DTWD2: variants seen among roughly 807,000 people sequenced by gnomAD.
The protein encoded by DTWD2 is tRNA-uridine aminocarboxypropyltransferase 2.
DTWD2 carries 39 observed loss-of-function variants against 31.8 expected under a neutral mutation model. That is an observed-to-expected ratio of 1.22 (90% CI 0.95 to 1.60). The LOEUF (loss-of-function observed/expected upper bound fraction) is 1.60. Ranked by LOEUF, DTWD2 falls within the 40% of genes most tolerant of loss-of-function variation. DTWD2 has a pLI of 0.00. For missense variants in DTWD2, 515 were observed against 381.5 expected, an observed-to-expected ratio of 1.35 and a Z score of -2.92; for synonymous variants, 180 against 142.8, an observed-to-expected ratio of 1.26 and a Z score of -1.86.
At position 118,940,875 on chromosome 5, in the gene DTWD2, A is replaced by G. The variant is rs1754163226; in HGVS notation, c.310-1585T>C. Among the ~76,000 whole-genome samples the G allele has an allele frequency of 5.3e-5, 8 of 152,222 alleles. No homozygotes were observed. In the South Asian group the frequency reaches 1.7e-3, roughly 32 times the overall value. ...ACATCTAATATTATTAGTTAAGTCA[A>G]TAAACAGTGTTTGCATCTTCACGAC... On this transcript the variant is annotated intron_variant, in intron 2 of 5. Coordinates refer to ENST00000510708, the MANE Select transcript of DTWD2 (RefSeq NM_173666.4).
rs1751655525 is a variant in DTWD2, at chr5:118,839,418, G to A, written c.*1499C>T. Reference sequence around the variant, plus strand: ...AGCCCAGGCTGGAGTGCAGTGGAATGAACATAGCTCCTTGCAACCTTGATG... The same window carrying A: ...AGCCCAGGCTGGAGTGCAGTGGAATAAACATAGCTCCTTGCAACCTTGATG... On this transcript the variant is annotated 3_prime_UTR_variant, in exon 6 of 6. Coordinates refer to ENST00000510708, the MANE Select transcript of DTWD2 (RefSeq NM_173666.4). 6.6e-6 allele frequency: 1 copy of A among 152,096 alleles called. No homozygotes were observed. The highest frequency in any genetic ancestry group is 1.5e-5 in the Non-Finnish European group (1 of 68,018). 9.4% of individuals were successfully genotyped at this position (152,096 alleles called of 1,614,324 possible). A position where few individuals can be genotyped will look rare whatever the true frequency, so the allele number is the denominator to read the frequency against.
At chr5:118,931,016 G>T (rs958452174) in intron 3 of DTWD2, among the ~76,000 whole-genome samples, 7 of 151,972 alleles carry the variant, frequency 4.6e-5, no homozygotes, top group African/African-American at 1.7e-4. Flanking sequence ...TTTTAAATTG[G>T]TAAGTTAAAT....
At chr5:118,896,986 T>C (rs1753098226) in intron 4 of DTWD2, among the ~76,000 whole-genome samples, 1 of 152,210 alleles carries the variant, frequency 6.6e-6, no homozygotes, top group Non-Finnish European at 1.5e-5. Context: ...ACTAAACTCT[T>C]AACAAATTCA....
At chr5:118,963,039 G>A (rs1261808059) in intron 1 of DTWD2, among the ~76,000 whole-genome samples, 1 of 152,054 alleles carries the variant, frequency 6.6e-6, no homozygotes, top group Non-Finnish European at 1.5e-5. Context: ...CAAACGTGAG[G>A]GTCTAAAGAG....
intron 4 of DTWD2, among the ~76,000 whole-genome samples, chr5:118,893,352 C>A (rs1753015331): frequency 8.0e-6 from 1 of 124,596 alleles, no homozygotes; most frequent in Non-Finnish European, 1.6e-5. Context: ...CACACTAAGA[C>A]ACAGTCTCAA....
At chr5:118,925,093 A>C (rs2377127) in intron 4 of DTWD2, among the ~76,000 whole-genome samples, 21,995 of 152,184 alleles carry the variant, frequency 0.14, 2,238 homozygotes, top group African/African-American at 0.28. Context: ...TTTAAGTTTA[A>C]AACCTCAGAA....
intron 1 of DTWD2, among the ~76,000 whole-genome samples, chr5:118,959,158 T>TATCTC (rs1754654435): frequency 1.3e-5 from 2 of 152,132 alleles, no homozygotes; most frequent in South Asian, 4.1e-4. Flanking sequence ...AAAGTCAAAC[T>TATCTC]ATCTCTGTTT....
chr5:118,957,147 T>C (rs768267738), intron 1 of DTWD2, among the ~76,000 whole-genome samples: 9 of 152,100 alleles, frequency 5.9e-5, no homozygotes, highest in Non-Finnish European at 1.5e-5. Flanking sequence ...CCCTGCAAAA[T>C]TGTTTTCCTT....
intron 4 of DTWD2, among the ~76,000 whole-genome samples, chr5:118,880,042 T>C (rs774785828): frequency 1.3e-5 from 2 of 152,234 alleles, no homozygotes; most frequent in Admixed American, 6.5e-5. Flanking sequence ...CTATATCTTA[T>C]GCACCGACAC....
rs1312860969 is a variant in DTWD2 at position 118,881,026 on chromosome 5, ATAGTTT to A, written c.598-32814_598-32809del. 2.0e-5 allele frequency among the ~76,000 whole-genome samples: 3 copies of A among 152,194 alleles called. No individual in the cohort carries two copies. The East Asian group carries it at 5.8e-4, about 29-fold the overall frequency. ...AACTTCATCCAACAGAATTAAACTC[ATAGTTT>A]TAGTTTTAATGTTATATATTAGATT... On this transcript the variant is annotated intron_variant, in intron 4 of 5. Transcript: ENST00000510708.
At chr5:118,965,401 G>C (rs904564247) in intron 1 of DTWD2, among the ~76,000 whole-genome samples, 1 of 151,874 alleles carries the variant, frequency 6.6e-6, no homozygotes, top group Non-Finnish European at 1.5e-5. Context: ...CCCTCTGCCC[G>C]GCCGCCACCC....
chr5:118,911,282 AAAATATAAAGC>A (rs1753452855), intron 4 of DTWD2, among the ~76,000 whole-genome samples: 1 of 152,216 alleles, frequency 6.6e-6, no homozygotes, highest in Non-Finnish European at 1.5e-5. Flanking sequence ...AATCAACAAG[AAAATATAAAGC>A]AAAACCACAA....
At chr5:118,931,968 T>A (rs928514365) in intron 3 of DTWD2, among the ~76,000 whole-genome samples, 1 of 152,158 alleles carries the variant, frequency 6.6e-6, no homozygotes, top group Non-Finnish European at 1.5e-5. Context: ...AACATACTTC[T>A]AAGTAAACCA....
rs144562704 is a variant in DTWD2, at chr5:118,894,382, C to A, written c.597+34155G>T. ...TACACAGAAATGCGGAATAAAAATA[C>A]AAAACAATTTTGATCAAAAAAAGAG... On this transcript the variant is annotated intron_variant, in intron 4 of 5. Coordinates refer to ENST00000510708, the MANE Select transcript of DTWD2 (RefSeq NM_173666.4). Among the ~76,000 whole-genome samples the A allele has an allele frequency of 1.6e-3, 245 of 152,110 alleles. 1 individual carries two copies. The highest frequency in any genetic ancestry group is 2.6e-3 in the Non-Finnish European group (174 of 67,960).
intron 1 of DTWD2, among the ~76,000 whole-genome samples, chr5:118,947,028 C>A (rs1237224467): frequency 2.0e-5 from 3 of 152,174 alleles, no homozygotes; most frequent in Non-Finnish European, 4.4e-5. Context: ...AGAAAATTTT[C>A]CTTGACCCCT....
chr5:118,926,598 A>C (rs971572704), intron 4 of DTWD2, among the ~76,000 whole-genome samples: 1 of 152,234 alleles, frequency 6.6e-6, no homozygotes, highest in African/African-American at 2.4e-5. Flanking sequence ...AACAACTTAT[A>C]TCAATGTTAC....
intron 5 of DTWD2, among the ~76,000 whole-genome samples, chr5:118,847,221 A>G (rs1256453831): frequency 1.3e-5 from 2 of 152,034 alleles, no homozygotes; most frequent in Non-Finnish European, 2.9e-5. Flanking sequence ...CTGTAACCAT[A>G]ATGGATAATG....
At chr5:118,925,876 G>A (rs376615221) in intron 4 of DTWD2, among the ~76,000 whole-genome samples, 72 of 151,678 alleles carry the variant, frequency 4.7e-4, no homozygotes, top group Admixed American at 1.4e-3. Context: ...TAGATCTACC[G>A]TTCAGTCAAG....
At chr5:118,859,792 T>A (rs1011991815) in intron 4 of DTWD2, among the ~76,000 whole-genome samples, 8 of 152,162 alleles carry the variant, frequency 5.3e-5, no homozygotes, top group Non-Finnish European at 1.0e-4. Flanking sequence ...TGACTACCAC[T>A]TTTTTATAAA....
Sources: gnomAD v4.1 joint callset for allele counts (sites outside exome capture counted in the v4.1 genomes callset) on GRCh38, gnomAD v4.1.1 for gene constraint, MANE v1.5 for transcripts, NCBI Gene and HGNC (gene_info 2026-07-23, HGNC 2026-07-21) for gene names.